The following GPC5 variants were observed in gnomAD, a reference collection of about 807,000 sequenced individuals.
GPC5 encodes the protein glypican-5.
In GPC5, 47 loss-of-function variants were observed where a neutral mutation model predicts 53.9. That is an observed-to-expected ratio of 0.87 (90% CI 0.69 to 1.11). The LOEUF (loss-of-function observed/expected upper bound fraction) is 1.11, where lower values mean the gene tolerates loss of function less well. GPC5 is among the 50% of genes most tolerant of loss of function. GPC5 has a pLI of 0.00. For synonymous variants in GPC5, 286 were observed against 263.3 expected (o/e 1.09, Z -0.84); for missense variants, 748 against 713.1 (o/e 1.05, Z -0.56).
intron 7 of GPC5, among the ~76,000 whole-genome samples, chr13:92,382,598 C>T (rs952344815): frequency 2.6e-5 from 4 of 152,042 alleles, no homozygotes; most frequent in African/African-American, 9.7e-5. Context: ...CCTATATCAA[C>T]AACAATTAAA....
intron 4 of GPC5, among the ~76,000 whole-genome samples, chr13:91,743,636 G>T (rs2036983711): frequency 6.6e-6 from 1 of 152,118 alleles, no homozygotes; most frequent in African/African-American, 2.4e-5. Context: ...TGCCAAAGCT[G>T]CCAGATCCAC....
At chr13:92,386,610 G>A (rs1227306121) in intron 7 of GPC5, among the ~76,000 whole-genome samples, 1 of 151,894 alleles carries the variant, frequency 6.6e-6, no homozygotes, top group Non-Finnish European at 1.5e-5. Flanking sequence ...ATCACTGAAT[G>A]GGAAATAAAT....
intron 7 of GPC5, among the ~76,000 whole-genome samples, chr13:92,544,901 A>G (rs1882049292): frequency 6.6e-6 from 1 of 151,444 alleles, no homozygotes; most frequent in Admixed American, 6.6e-5. Flanking sequence ...GAGTTAAGAG[A>G]TTTTATTTTA....
In GPC5 at chr13:92,376,537, C is replaced by A. The variant is rs147839565; in HGVS notation, c.1561+231548C>A. On this transcript the variant is annotated intron_variant, in intron 7 of 7. Coordinates refer to ENST00000377067, the MANE Select transcript of GPC5 (RefSeq NM_004466.6). The stretch of plus-strand genomic sequence containing the variant: ...TTATTTTCTGGTCTTAGACTGTTGA[C>A]GAGCTCTATTAAGTGCAGTAAGTTC... 5.7e-3 allele frequency among the ~76,000 whole-genome samples: 862 copies of A among 152,218 alleles called. 6 individuals carry two copies. Among genetic ancestry groups the A allele is most frequent in the African/African-American group, 0.02 (827 of 41,514 alleles).
chr13:92,608,253 G>A (rs564710079), intron 7 of GPC5, among the ~76,000 whole-genome samples: 2 of 152,248 alleles, frequency 1.3e-5, no homozygotes, highest in African/African-American at 2.4e-5. Context: ...TACATTCTTC[G>A]AGGGTCAACT....
intron 5 of GPC5, among the ~76,000 whole-genome samples, chr13:91,763,622 G>A (rs1037064876): frequency 2.6e-5 from 4 of 152,148 alleles, no homozygotes; most frequent in Non-Finnish European, 4.4e-5. Context: ...ACAAATCCAG[G>A]TATGGCTGAT....
intron 2 of GPC5, among the ~76,000 whole-genome samples, chr13:91,460,519 T>G (rs746583325): frequency 1.2e-4 from 18 of 151,848 alleles, no homozygotes; most frequent in Non-Finnish European, 2.4e-4. Flanking sequence ...CTAGGCTGGT[T>G]TCGAACTCCT....
intron 7 of GPC5, among the ~76,000 whole-genome samples, chr13:92,482,270 A>AC (rs758392325): frequency 2.0e-5 from 3 of 152,170 alleles, no homozygotes; most frequent in Non-Finnish European, 2.9e-5. Context: ...GTCCACAACC[A>AC]CCATTCTGTT....
At chr13:91,755,082 T>C (rs1408792144) in intron 4 of GPC5, among the ~76,000 whole-genome samples, 1 of 151,996 alleles carries the variant, frequency 6.6e-6, no homozygotes, top group East Asian at 1.9e-4. Context: ...AACCGATAGG[T>C]TTGTGTCCAG....
At chr13:91,802,550 C>A (rs1316433607) in intron 5 of GPC5, among the ~76,000 whole-genome samples, 2 of 152,076 alleles carry the variant, frequency 1.3e-5, no homozygotes, top group Admixed American at 1.3e-4. Flanking sequence ...GCTTTTATTC[C>A]CTTATTTGGC....
chr13:91,614,719 T>C (rs910404191), intron 2 of GPC5, among the ~76,000 whole-genome samples: 8 of 152,136 alleles, frequency 5.3e-5, no homozygotes, highest in South Asian at 2.1e-4. Flanking sequence ...AGTGGAGTTA[T>C]AAAACTTCTC....
intron 6 of GPC5, among the ~76,000 whole-genome samples, chr13:91,945,414 G>A (rs970157862): frequency 1.2e-4 from 18 of 151,960 alleles, no homozygotes; most frequent in South Asian, 4.2e-4. Flanking sequence ...CTTTTATTAC[G>A]CTCTTAAAAT....
intron 7 of GPC5, among the ~76,000 whole-genome samples, chr13:92,321,766 C>A (rs2043217709): frequency 6.6e-6 from 1 of 152,096 alleles, no homozygotes; most frequent in African/African-American, 2.4e-5. Flanking sequence ...TCTTTATTTT[C>A]TGTTGTAATT....
rs184697443 is a variant in GPC5, at chr13:92,522,595, A to G, written c.1562-343687A>G. ...AGAACACTTGGACACAGGAAGGGGA[A>G]CATCACACACTGGGGCCTGTTGTGG... On this transcript the variant is annotated intron_variant, in intron 7 of 7. Coordinates refer to ENST00000377067, the MANE Select transcript of GPC5 (RefSeq NM_004466.6). Among the ~76,000 whole-genome samples, 1,179 of 152,182 alleles carry G rather than the reference A, an allele frequency of 7.7e-3. 9 individuals carry two copies. Among genetic ancestry groups the G allele is most frequent in the Non-Finnish European group, 0.012 (840 of 67,998 alleles).
At chr13:92,269,715 C>A (rs901602192) in intron 7 of GPC5, among the ~76,000 whole-genome samples, 1 of 152,088 alleles carries the variant, frequency 6.6e-6, no homozygotes, top group Non-Finnish European at 1.5e-5. Context: ...CCGAAGGGAT[C>A]CTTTGACCTA....
At chr13:92,429,206 A>G (rs1876974007) in intron 7 of GPC5, among the ~76,000 whole-genome samples, 1 of 152,052 alleles carries the variant, frequency 6.6e-6, no homozygotes. Flanking sequence ...ATATGCAAAT[A>G]TCTATCATGA....
At chr13:91,432,205 G>GC (rs140790450) in intron 1 of GPC5, among the ~76,000 whole-genome samples, 56,518 of 116,268 alleles carry the variant, frequency 0.49, 12,382 homozygotes, top group Middle Eastern at 0.58. Context: ...TGCTGCTGCT[G>GC]TGTGTGTGTG....
intron 1 of GPC5, among the ~76,000 whole-genome samples, chr13:91,414,405 T>C (rs1047789751): frequency 6.6e-6 from 1 of 152,256 alleles, no homozygotes; most frequent in African/African-American, 2.4e-5. Flanking sequence ...GTTAAACCTC[T>C]TTCTGTTATA....
intron 7 of GPC5, among the ~76,000 whole-genome samples, chr13:92,252,479 G>A (rs1354268298): frequency 6.6e-6 from 1 of 151,712 alleles, no homozygotes; most frequent in African/African-American, 2.4e-5. Context: ...TTTATTTTTT[G>A]TGCTTTTTCA....
Sources: allele counts gnomAD v4.1 joint callset (sites outside exome capture counted in the v4.1 genomes callset), GRCh38; gene constraint gnomAD v4.1.1; transcripts MANE v1.5; gene names NCBI Gene and HGNC (gene_info 2026-07-23, HGNC 2026-07-21).